The following FAM117A variants were observed in gnomAD, a reference collection of about 807,000 sequenced individuals.
FAM117A encodes family with sequence similarity 117 member A, also known as protein FAM117A.
A neutral mutation model predicts 44.1 loss-of-function variants in FAM117A; 21 were observed. The observed-to-expected ratio is 0.48, with a 90% CI of 0.34 to 0.69. The LOEUF (loss-of-function observed/expected upper bound fraction) is 0.69. FAM117A is among the 30% of genes least tolerant of loss of function. The pLI, the probability that FAM117A is intolerant of heterozygous loss-of-function variation, is 0.01. For synonymous variants in FAM117A, 220 were observed against 238.3 expected (o/e 0.92, Z 0.71); for missense variants, 498 against 589.9 (o/e 0.84, Z 1.61).
chr17:49,748,042 T>C (rs1598029856), intron 1 of FAM117A, among the ~76,000 whole-genome samples: 1 of 152,206 alleles, frequency 6.6e-6, no homozygotes, highest in Admixed American at 6.5e-5. Flanking sequence ...AGGATACTTA[T>C]GAGGTCGCCT....
In FAM117A at chr17:49,722,544, T is replaced by C; in HGVS notation, c.417A>G (p.Ala139=). 6.2e-7 allele frequency: 1 copy of C among 1,614,028 alleles called. No individual in the cohort carries two copies. Among genetic ancestry groups the C allele is most frequent in the South Asian group, 1.1e-5 (1 of 91,054 alleles). ...ELEGERASSC[A]HKRSASWGST... is the part of the protein sequence containing the mutation. ...TGCCCCAGGATGCTGAGCGCTTGTG[T>C]GCACAGGAACTGGCACGCTCACCTT... is the stretch of plus-strand genomic sequence containing the variant. Residue 139 remains alanine (A), a synonymous_variant, in exon 3 of 8, where the codon GCA becomes GCG. Coordinates refer to ENST00000240364, the MANE Select transcript of FAM117A (RefSeq NM_030802.4).
intron 1 of FAM117A, among the ~76,000 whole-genome samples, chr17:49,763,565 G>A (rs1408531074): frequency 1.5e-5 from 2 of 136,592 alleles, no homozygotes; most frequent in Admixed American, 7.6e-5. Flanking sequence ...CTCACGCCTC[G>A]CTCCCACCCC....
chr17:49,716,306 G>T lies in FAM117A; in HGVS notation c.920C>A (p.Pro307Gln). 6.3e-7 allele frequency: 1 copy of T among 1,591,730 alleles called. No homozygotes were observed. Among genetic ancestry groups the T allele is most frequent in the South Asian group, 1.2e-5 (1 of 86,304 alleles). The change falls in exon 7 of 8, where the codon CCA becomes CAA. Residue 307 changes from proline (P) to glutamine (Q), a missense_variant. By Grantham distance (76) the Pro-to-Gln change is moderately conservative (BLOSUM62 -1). This residue lies in a region of FAM117A where 224 missense variants were observed against 296.5 expected (regional missense o/e 0.76). Coordinates refer to ENST00000240364, the MANE Select transcript of FAM117A (RefSeq NM_030802.4). The part of the protein sequence containing the change: ...ASTPNDKASS[P>Q]GHPAFLEDGS... ...ATCTTCAAGAAAGGCTGGGTGTCCT[G>T]GAGAGGAGGCTGTGAACAGAGCAAG...
At chr17:49,775,425 C>A (rs2073773080) in intron 1 of FAM117A, among the ~76,000 whole-genome samples, 1 of 152,206 alleles carries the variant, frequency 6.6e-6, no homozygotes, top group Admixed American at 6.5e-5. Flanking sequence ...CACAAGACGG[C>A]CCTGGCTCAA....
At chr17:49,778,275 T>C (rs764474108) in intron 1 of FAM117A, among the ~76,000 whole-genome samples, 22 of 152,212 alleles carry the variant, frequency 1.4e-4, no homozygotes, top group Non-Finnish European at 2.9e-4. Flanking sequence ...CAGAACACAT[T>C]TCTTGAGTCC....
At chr17:49,716,629 G>A (rs757534368) in intron 6 of FAM117A, among the ~76,000 whole-genome samples, 1 of 152,154 alleles carries the variant, frequency 6.6e-6, no homozygotes, top group Non-Finnish European at 1.5e-5. Flanking sequence ...TACTAACTGT[G>A]TCTCTCTCTG....
intron 1 of FAM117A, among the ~76,000 whole-genome samples, chr17:49,752,837 C>A (rs567375947): frequency 6.6e-6 from 1 of 151,804 alleles, no homozygotes; most frequent in African/African-American, 2.4e-5. Context: ...AAGGAAGAAA[C>A]GGACTTCTTT....
intron 1 of FAM117A, among the ~76,000 whole-genome samples, chr17:49,780,085 G>A (rs1205435260): frequency 6.6e-6 from 1 of 152,130 alleles, no homozygotes; most frequent in Non-Finnish European, 1.5e-5. Context: ...GAGAAAATGT[G>A]TTTCCTAGTT....
chr17:49,770,067 C>T (rs2073756426), intron 1 of FAM117A, among the ~76,000 whole-genome samples: 1 of 151,876 alleles, frequency 6.6e-6, no homozygotes, highest in Admixed American at 6.6e-5. Flanking sequence ...GTCAGGAGTT[C>T]GAGACCAGCC....
rs956680705 is a variant in FAM117A, at chr17:49,710,853, C to G, written c.*402G>C. ...GATGGGGGATCTATCTTATGGTCTC[C>G]TGGAGGAGAGGGAAGGAAATCTGTG... is the stretch of plus-strand genomic sequence containing the variant. On this transcript the variant is annotated 3_prime_UTR_variant, in exon 8 of 8. Coordinates refer to ENST00000240364, the MANE Select transcript of FAM117A (RefSeq NM_030802.4). The G allele has an allele frequency of 1.2e-5, 2 of 168,074 alleles. No homozygotes were observed. The highest frequency in any genetic ancestry group is 4.8e-5 in the African/African-American group (2 of 41,718). The allele number at this position is 168,074 out of a possible 1,614,324, so 10.4% of individuals were successfully genotyped here.
At chr17:49,720,712 G>C (rs2073530177) in intron 3 of FAM117A, among the ~76,000 whole-genome samples, 1 of 151,898 alleles carries the variant, frequency 6.6e-6, no homozygotes, top group Admixed American at 6.6e-5. Context: ...GATTCCAAAG[G>C]CATGGACTAC....
chr17:49,776,081 T>G (rs1042038042), intron 1 of FAM117A, among the ~76,000 whole-genome samples: 1 of 152,042 alleles, frequency 6.6e-6, no homozygotes, highest in African/African-American at 2.4e-5. Context: ...AGGAAGGAAG[T>G]AACACAGCCA....
upstream of FAM117A, among the ~76,000 whole-genome samples, chr17:49,765,905 G>A (rs1177148129): frequency 1.3e-5 from 2 of 152,170 alleles, no homozygotes; most frequent in African/African-American, 4.8e-5. Context: ...TTCTTACCAT[G>A]TTACAAGTAG....
chr17:49,788,988 C>T, upstream of FAM117A: 5 of 712,120 alleles, frequency 7.0e-6, no homozygotes, highest in Non-Finnish European at 1.1e-5. Context: ...TCTCTTCTGT[C>T]CATACCCAAC....
intron 1 of FAM117A, among the ~76,000 whole-genome samples, chr17:49,773,800 C>T (rs1044062736): frequency 1.3e-5 from 2 of 151,864 alleles, no homozygotes; most frequent in Non-Finnish European, 2.9e-5. Context: ...GTTGCCCAGG[C>T]TGGAGTGTAA....
chr17:49,741,982 T>A (rs1337935882), intron 1 of FAM117A, among the ~76,000 whole-genome samples: 1 of 152,042 alleles, frequency 6.6e-6, no homozygotes, highest in African/African-American at 2.4e-5. Flanking sequence ...GCTGAAAAAA[T>A]TAAATCTGGA....
intron 1 of FAM117A, among the ~76,000 whole-genome samples, chr17:49,745,013 CAA>C (rs34358343): frequency 5.8e-4 from 42 of 71,938 alleles, no homozygotes; most frequent in Non-Finnish European, 7.8e-4. Flanking sequence ...GACTCTGTCT[CAA>C]AAAAAAAAAA....
At chr17:49,733,353 G>A (rs1337230334) in intron 1 of FAM117A, among the ~76,000 whole-genome samples, 1 of 152,140 alleles carries the variant, frequency 6.6e-6, no homozygotes, top group Non-Finnish European at 1.5e-5. Flanking sequence ...TCTGACTTCT[G>A]TCTAAATGGG....
intron 1 of FAM117A, among the ~76,000 whole-genome samples, chr17:49,762,397 G>A (rs770094416): frequency 6.6e-6 from 1 of 152,098 alleles, no homozygotes; most frequent in Non-Finnish European, 1.5e-5. Context: ...CTACACCACC[G>A]GATTCTAAAC....
Sources: allele counts gnomAD v4.1 joint callset (sites outside exome capture counted in the v4.1 genomes callset), GRCh38; gene constraint gnomAD v4.1.1; regional missense constraint gnomAD v4.1.1; transcripts MANE v1.5; gene names NCBI Gene and HGNC (gene_info 2026-07-23, HGNC 2026-07-21).